Variants in PIAS4 observed in about 807,000 individuals in gnomAD.
The protein encoded by PIAS4 is protein inhibitor of activated STAT 4, also known as E3 SUMO-protein ligase PIAS4.
Under a neutral mutation model 58.0 loss-of-function variants are expected in PIAS4, and 7 were observed. The ratio of observed to expected loss-of-function variants is 0.12; its 90% confidence interval spans 0.07 to 0.23. The LOEUF (loss-of-function observed/expected upper bound fraction) is 0.23. Among genes scored for constraint, PIAS4 ranks in the 10% least tolerant of loss-of-function variants. The pLI is 1.00. For missense variants in PIAS4, 550 were observed against 709.5 expected (o/e 0.78, Z 2.55); for synonymous variants, 364 against 312.4 (o/e 1.17, Z -1.74).
In PIAS4 at chr19:4,037,800, G is replaced by GGAAGAC. The variant is rs1253708675; in HGVS notation, c.1461_1466dup (p.Asp490_Glu491dup). On this transcript the variant is annotated inframe_insertion, in exon 11 of 11. Coordinates refer to ENST00000262971, the MANE Select transcript of PIAS4 (RefSeq NM_015897.4). The surrounding 1 kb of genome is among the most constrained non-coding windows in gnomAD (Gnocchi z 5.8). ...ATGAGGAGGAGGAGGAAGAGGAGGA[G>GGAAGAC]GAAGACGAGGACGAAGAGGGGCCCC... 6.3e-7 allele frequency: 1 copy of GGAAGAC among 1,590,368 alleles called. No individual in the cohort carries two copies. The highest frequency in any genetic ancestry group is 1.8e-5 in the Admixed American group (1 of 55,530).
chr19:4,013,131 G>A lies in PIAS4; in HGVS notation c.236G>A (p.Arg79Gln), dbSNP rs755230248. ...TCGGAGCCTGCCCCACAGCCGCACCGGCCCCTGGACCCCCTGACCATGCAC... is the reference window on the plus strand; with the variant it reads ...TCGGAGCCTGCCCCACAGCCGCACCAGCCCCTGGACCCCCTGACCATGCAC... Reference protein sequence around the residue: ...KNSEPAPQPHRPLDPLTMHST... With the variant: ...KNSEPAPQPHQPLDPLTMHST... The change falls in exon 2 of 11, where the codon CGG (arginine) becomes CAG (glutamine). Residue 79 changes from arginine (R) to glutamine (Q), a missense_variant. Physicochemically the swap from Arg to Gln is conservative, Grantham distance 43. Transcript: ENST00000262971. This position sits in a 1 kb window ranked among gnomAD's most constrained non-coding sequence, Gnocchi z 5.1. The A allele has an allele frequency of 4.3e-6, 7 of 1,613,340 alleles. No individual in the cohort carries two copies. Among genetic ancestry groups the A allele is most frequent in the East Asian group, 2.2e-5 (1 of 44,878 alleles).
intron 2 of PIAS4, among the ~76,000 whole-genome samples, chr19:4,014,677 C>G (rs1444363525): frequency 6.6e-6 from 1 of 152,238 alleles, no homozygotes; most frequent in Non-Finnish European, 1.5e-5. Context: ...GGTTCAGAAC[C>G]CTGTGCATGC....
intron 2 of PIAS4, among the ~76,000 whole-genome samples, chr19:4,020,511 C>T (rs1419762369): frequency 6.6e-6 from 1 of 152,228 alleles, no homozygotes; most frequent in Non-Finnish European, 1.5e-5. Context: ...CCACGCTCTT[C>T]CGATATTTTT....
chr19:4,032,800 C>T (rs767241652), intron 7 of PIAS4, among the ~76,000 whole-genome samples: 4 of 152,176 alleles, frequency 2.6e-5, no homozygotes. Context: ...TTGCATGAAA[C>T]TTGCCAGAAA....
At position 4,029,077 on chromosome 19, in the gene PIAS4, C is replaced by T. The variant is rs534745775; in HGVS notation, c.907+41C>T. 2.5e-5 allele frequency: 36 copies of T among 1,459,254 alleles called. No individual in the cohort carries two copies. The South Asian group carries it at 3.2e-4, about 13-fold the overall frequency. 90.4% of individuals were successfully genotyped at this position (1,459,254 alleles called of 1,614,324 possible). A position where few individuals can be genotyped will look rare whatever the true frequency, so the allele number is the denominator to read the frequency against. ...CACCTCGGCCGAGGGGTGCCAAGTC[C>T]ACCCTGGAAACCCGCCCTGTGCTGG... On this transcript the variant is annotated intron_variant, in intron 7 of 10. Transcript: ENST00000262971.
Position 4,013,082 on chromosome 19 carries a change from G to C in PIAS4, c.187G>C (p.Glu63Gln). Reference protein sequence around the residue: ...ELFKKIKELYETRYAKKNSEP... With the variant: ...ELFKKIKELYQTRYAKKNSEP... ...GTTCAAGAAGATCAAGGAGCTGTACGAGACCCGCTACGCCAAGAAGAACTC... is the reference window on the plus strand; with the variant it reads ...GTTCAAGAAGATCAAGGAGCTGTACCAGACCCGCTACGCCAAGAAGAACTC... Residue 63 changes from glutamate to glutamine, a missense_variant, in exon 2 of 11, where the codon GAG (glutamate) becomes CAG (glutamine). Glu to Gln is a conservative substitution (Grantham distance 29). Coordinates refer to ENST00000262971, the MANE Select transcript of PIAS4 (RefSeq NM_015897.4). This position sits in a 1 kb window ranked among gnomAD's most constrained non-coding sequence, Gnocchi z 5.1. The C allele has an allele frequency of 6.2e-7, 1 of 1,613,472 alleles. No homozygotes were observed. The highest frequency in any genetic ancestry group is 8.5e-7 in the Non-Finnish European group (1 of 1,180,002).
At chr19:4,033,837 G>A (rs2040249256) in intron 9 of PIAS4, among the ~76,000 whole-genome samples, 1 of 152,188 alleles carries the variant, frequency 6.6e-6, no homozygotes, top group Non-Finnish European at 1.5e-5. Flanking sequence ...CCGCTCCCAC[G>A]TGACCTCAGG....
intron 2 of PIAS4, among the ~76,000 whole-genome samples, chr19:4,015,200 T>C (rs969714119): frequency 2.6e-5 from 4 of 152,174 alleles, no homozygotes; most frequent in African/African-American, 9.7e-5. Flanking sequence ...CAGAGCTGGC[T>C]GTCTCTGAAG....
intron 3 of PIAS4, among the ~76,000 whole-genome samples, chr19:4,027,268 G>A (rs181727026): frequency 2.0e-5 from 3 of 152,330 alleles, no homozygotes; most frequent in East Asian, 1.9e-4. Flanking sequence ...GGTTACTGGC[G>A]TGAGCCACCT....
At position 4,013,279 on chromosome 19, in the gene PIAS4, G is replaced by A; in HGVS notation, c.384G>A (p.Lys128=). The change falls in exon 2 of 11, where the codon AAG becomes AAA. Residue 128 remains lysine (K), a synonymous_variant. Coordinates refer to ENST00000262971, the MANE Select transcript of PIAS4 (RefSeq NM_015897.4). The surrounding 1 kb of genome is among the most constrained non-coding windows in gnomAD (Gnocchi z 5.1). ...GLGRLPAKTL[K]PEVRLVKLPF... ...GACGGTTGCCCGCCAAGACCCTCAA[G>A]CCAGAAGTCCGCCTGGTGAAGCTGC... The A allele has an allele frequency of 6.2e-7, 1 of 1,613,304 alleles. No homozygotes were observed. Among genetic ancestry groups the A allele is most frequent in the Non-Finnish European group, 8.5e-7 (1 of 1,180,016 alleles).
chr19:4,021,670 A>T (rs1197256848), intron 2 of PIAS4, among the ~76,000 whole-genome samples: 1 of 147,546 alleles, frequency 6.8e-6, no homozygotes, highest in African/African-American at 2.5e-5. Context: ...GAAAGAGTTT[A>T]TGTACGGTTT....
At chr19:4,022,222 T>G (rs2040116664) in intron 2 of PIAS4, among the ~76,000 whole-genome samples, 1 of 152,244 alleles carries the variant, frequency 6.6e-6, no homozygotes, top group Non-Finnish European at 1.5e-5. Context: ...TCACCTTTTA[T>G]TCCCCTATTG....
rs903951939 is a variant in PIAS4, at chr19:4,037,206, G to A, written c.1143-168G>A. ...GCTCAGCACCTGCAGGGGCCTGAGG[G>A]CGGGGGAGGGAATGCGGGGTCCCTG... On this transcript the variant is annotated intron_variant, in intron 9 of 10. Coordinates refer to ENST00000262971, the MANE Select transcript of PIAS4 (RefSeq NM_015897.4). This position sits in a 1 kb window ranked among gnomAD's most constrained non-coding sequence, Gnocchi z 5.8. Among the ~76,000 whole-genome samples, 7 of 152,194 alleles carry A rather than the reference G, an allele frequency of 4.6e-5. No individual in the cohort carries two copies. Among genetic ancestry groups the A allele is most frequent in the African/African-American group, 1.7e-4 (7 of 41,452 alleles).
chr19:4,025,493 C>T (rs1413287938), intron 3 of PIAS4, among the ~76,000 whole-genome samples: 1 of 152,156 alleles, frequency 6.6e-6, no homozygotes, highest in Non-Finnish European at 1.5e-5. Flanking sequence ...GGCCGGGCGC[C>T]CCCATTTAAT....
intron 1 of PIAS4, 76 bp downstream of exon 1, chr19:4,007,863 G>A: frequency 8.9e-7 from 1 of 1,125,108 alleles, no homozygotes; most frequent in Non-Finnish European, 1.1e-6. Context: ...CGAGGTCTGC[G>A]CCTTCTGTCC....
At chr19:4,012,875 G>C (rs756842798) in intron 1 of PIAS4, 48 bp from the exon 2 acceptor site, 27 of 1,554,324 alleles carry the variant, frequency 1.7e-5, no homozygotes, top group Non-Finnish European at 2.1e-5. Flanking sequence ...GGAGTCCCCT[G>C]CCTCGCAGCT....
chr19:4,028,960 G>T lies in PIAS4; in HGVS notation c.831G>T (p.Arg277=). The change falls in exon 7 of 11, where the codon CGG becomes CGT. Residue 277 remains arginine, a synonymous_variant. Coordinates refer to ENST00000262971, the MANE Select transcript of PIAS4 (RefSeq NM_015897.4). ...KSYSVALYLV[R]QLTSSELLQR... ...ACTCGGTGGCCCTGTACCTGGTGCG[G>T]CAGCTGACCTCATCGGAGCTGCTGC... The T allele has an allele frequency of 6.2e-7, 1 of 1,611,630 alleles. No homozygotes were observed. Among genetic ancestry groups the T allele is most frequent in the South Asian group, 1.1e-5 (1 of 90,792 alleles).
rs759994474 is a variant in PIAS4 at position 4,033,500 on chromosome 19, G to T, written c.1062G>T (p.Leu354=). 1 of 1,599,204 alleles carries T rather than the reference G, an allele frequency of 6.3e-7. No individual in the cohort carries two copies. The highest frequency in any genetic ancestry group is 1.1e-5 in the South Asian group (1 of 88,524). The stretch of plus-strand genomic sequence containing the variant: ...AGTGCTTCGACGCCGTCTTCTACCT[G>T]CAGATGAACGAGAAGAAGCCCACCT... ...HLQCFDAVFY[L]QMNEKKPTWM... is the part of the protein sequence containing the mutation. Residue 354 remains leucine (L), a synonymous_variant, in exon 9 of 11, where the codon CTG becomes CTT. Coordinates refer to ENST00000262971, the MANE Select transcript of PIAS4 (RefSeq NM_015897.4).
At chr19:4,022,862 A>C (rs1357367202) in intron 2 of PIAS4, among the ~76,000 whole-genome samples, 14 of 144,092 alleles carry the variant, frequency 9.7e-5, no homozygotes, top group Admixed American at 6.9e-5. Context: ...GAGACACCAC[A>C]CCCTGCTGTT....
Sources: allele counts gnomAD v4.1 joint callset (sites outside exome capture counted in the v4.1 genomes callset), GRCh38; gene constraint gnomAD v4.1.1; non-coding constraint Gnocchi (gnomAD v3.1); transcripts MANE v1.5; gene names NCBI Gene and HGNC (gene_info 2026-07-23, HGNC 2026-07-21).